SLC35F4: variants seen among roughly 807,000 people sequenced by gnomAD.
The protein encoded by SLC35F4 is solute carrier family 35 member F4.
SLC35F4 carries 24 observed loss-of-function variants against 44.2 expected under a neutral mutation model. The observed-to-expected ratio is 0.54, with a 90% CI of 0.39 to 0.76. The LOEUF (loss-of-function observed/expected upper bound fraction) is 0.76. Ranked by LOEUF, SLC35F4 falls within the 30% of genes least tolerant of loss-of-function variation. SLC35F4 has a pLI of 0.00. For missense variants in SLC35F4, 562 were observed against 586.1 expected (o/e 0.96, Z 0.42); for synonymous variants, 238 against 223.6 (o/e 1.06, Z -0.57).
chr14:57,566,491 G>A lies in SLC35F4; in HGVS notation c.1200C>T (p.Ser400=), dbSNP rs772490674. The A allele has an allele frequency of 2.8e-5, 45 of 1,595,798 alleles. No homozygotes were observed. The highest frequency in any genetic ancestry group is 2.0e-4 in the East Asian group (9 of 44,226). ...TGCCTGTACCTGCATTTCCAGGAAC[G>A]CTGAGCACTGTCCCAATGGAGATTA... ...PILISIGTVL[S]VPGNAAVDLL... is the part of the protein sequence containing the mutation. The change falls in exon 7 of 8, where the codon AGC becomes AGT. Residue 400 remains serine (S), a synonymous_variant. Coordinates refer to ENST00000556826, the MANE Select transcript of SLC35F4 (RefSeq NM_001306087.2).
intron 1 of SLC35F4, among the ~76,000 whole-genome samples, chr14:57,876,639 G>A (rs11846711): frequency 0.013 from 1,992 of 152,202 alleles, 38 homozygotes; most frequent in African/African-American, 0.045. Context: ...AGTTGGTTGT[G>A]TTCAAGTTAT....
At chr14:57,876,229 C>G (rs962978108) in intron 1 of SLC35F4, among the ~76,000 whole-genome samples, 1 of 152,154 alleles carries the variant, frequency 6.6e-6, no homozygotes, top group African/African-American at 2.4e-5. Flanking sequence ...GCTGTTCCCA[C>G]AACCAAGATG....
At chr14:57,602,014 T>C (rs1468585361) in intron 1 of SLC35F4, among the ~76,000 whole-genome samples, 1 of 152,214 alleles carries the variant, frequency 6.6e-6, no homozygotes, top group Non-Finnish European at 1.5e-5. Flanking sequence ...TTTACTGAGC[T>C]CCTTCTGTAG....
chr14:57,875,786 G>T (rs981093052), intron 1 of SLC35F4, among the ~76,000 whole-genome samples: 1 of 152,188 alleles, frequency 6.6e-6, no homozygotes, highest in Non-Finnish European at 1.5e-5. Context: ...GTGGAGAAAT[G>T]GATTCTGCCT....
chr14:57,600,034 T>C (rs1460275514), intron 1 of SLC35F4, among the ~76,000 whole-genome samples: 1 of 151,930 alleles, frequency 6.6e-6, no homozygotes, highest in East Asian at 1.9e-4. Context: ...TGGAAAAAAG[T>C]GGAAAGAGGA....
chr14:57,817,659 G>GT (rs1882751471), intron 1 of SLC35F4, among the ~76,000 whole-genome samples: 1 of 152,130 alleles, frequency 6.6e-6, no homozygotes, highest in African/African-American at 2.4e-5. Context: ...AGAAAATGCA[G>GT]TGGGGATAGG....
At chr14:57,622,909 C>G (rs546824908) in intron 1 of SLC35F4, among the ~76,000 whole-genome samples, 9 of 152,132 alleles carry the variant, frequency 5.9e-5, no homozygotes, top group African/African-American at 2.2e-4. Context: ...CATCAACTAA[C>G]AGGCAAAATA....
chr14:57,679,891 C>T (rs1193361280), intron 1 of SLC35F4, among the ~76,000 whole-genome samples: 1 of 151,992 alleles, frequency 6.6e-6, no homozygotes, highest in East Asian at 1.9e-4. Context: ...AATAGCCTAC[C>T]AACCAAAAAA....
In SLC35F4 at chr14:57,808,850, T is replaced by G. The variant is rs77570144; in HGVS notation, c.103+56873A>C. 6.1e-3 allele frequency among the ~76,000 whole-genome samples: 934 copies of G among 152,276 alleles called. 9 individuals are homozygous for G. Among genetic ancestry groups the G allele is most frequent in the African/African-American group, 0.021 (879 of 41,562 alleles). The stretch of plus-strand genomic sequence containing the variant: ...ATGCAAGAAATTAACTGCTGATAAG[T>G]CAGTATCAACAACTTCATTTTAAGT... On this transcript the variant is annotated intron_variant, in intron 1 of 7. Coordinates refer to ENST00000556826, the MANE Select transcript of SLC35F4 (RefSeq NM_001306087.2).
At chr14:57,771,658 A>G (rs2077367690) in intron 1 of SLC35F4, among the ~76,000 whole-genome samples, 1 of 152,180 alleles carries the variant, frequency 6.6e-6, no homozygotes, top group East Asian at 1.9e-4. Flanking sequence ...CAGTGGTGTG[A>G]TCACAGCTCA....
At chr14:57,630,479 G>A in intron 1 of SLC35F4, 2 of 912,522 alleles carry the variant, frequency 2.2e-6, no homozygotes, top group South Asian at 2.6e-5. Flanking sequence ...AATGAAGGCT[G>A]AATCACATTC....
intron 1 of SLC35F4, among the ~76,000 whole-genome samples, chr14:57,966,987 G>C (rs1880882535): frequency 6.6e-6 from 1 of 151,108 alleles, no homozygotes; most frequent in South Asian, 2.1e-4. Context: ...TCCAGCCTGG[G>C]TAACAGAGCA....
intron 1 of SLC35F4, among the ~76,000 whole-genome samples, chr14:57,781,277 A>G (rs566369891): frequency 1.3e-5 from 2 of 152,338 alleles, no homozygotes; most frequent in South Asian, 4.1e-4. Context: ...ACACTTCTCA[A>G]AGAAGACATA....
At chr14:57,626,966 G>C (rs2072509689) in intron 1 of SLC35F4, among the ~76,000 whole-genome samples, 3 of 152,064 alleles carry the variant, frequency 2.0e-5, no homozygotes. Flanking sequence ...GTGAGTTCCT[G>C]GTTAAAGGGA....
chr14:57,626,894 G>A (rs2072504181), intron 1 of SLC35F4, among the ~76,000 whole-genome samples: 1 of 152,146 alleles, frequency 6.6e-6, no homozygotes, highest in Non-Finnish European at 1.5e-5. Flanking sequence ...CTAAAGAGGT[G>A]TGTAGAGTTT....
At chr14:57,817,468 T>G (rs1007975948) in intron 1 of SLC35F4, among the ~76,000 whole-genome samples, 15 of 152,216 alleles carry the variant, frequency 9.9e-5, no homozygotes, top group African/African-American at 3.6e-4. Flanking sequence ...TCCCAAGAGC[T>G]ACCATGCTTC....
chr14:57,602,602 T>C (rs1454158336), intron 1 of SLC35F4: 1 of 152,170 alleles, frequency 6.6e-6, no homozygotes, highest in Non-Finnish European at 1.5e-5. Context: ...ACATAAACAA[T>C]GCACAATAAT....
intron 1 of SLC35F4, among the ~76,000 whole-genome samples, chr14:57,749,192 T>C (rs867916555): frequency 6.6e-6 from 1 of 152,190 alleles, no homozygotes; most frequent in Non-Finnish European, 1.5e-5. Context: ...AATGTCCTTT[T>C]TTTTGTGATT....
At chr14:57,813,140 G>T (rs966340061) in intron 1 of SLC35F4, among the ~76,000 whole-genome samples, 1 of 152,186 alleles carries the variant, frequency 6.6e-6, no homozygotes, top group African/African-American at 2.4e-5. Flanking sequence ...CAACCCAGCA[G>T]TTAGATCCAG....
Sources: allele counts gnomAD v4.1 joint callset (sites outside exome capture counted in the v4.1 genomes callset), GRCh38; gene constraint gnomAD v4.1.1; transcripts MANE v1.5; gene names NCBI Gene and HGNC (gene_info 2026-07-23, HGNC 2026-07-21).